SCHIP1: variants seen among roughly 807,000 people sequenced by gnomAD.
The protein encoded by SCHIP1 is schwannomin-interacting protein 1.
A neutral mutation model predicts 29.7 loss-of-function variants in SCHIP1; 8 were observed. The ratio of observed to expected loss-of-function variants is 0.27; its 90% CI spans 0.16 to 0.49. The LOEUF is 0.49. SCHIP1 is among the 20% of genes least tolerant of loss of function. The pLI, the probability that SCHIP1 is intolerant of heterozygous loss-of-function variation, is 0.99. For synonymous variants in SCHIP1, 76 were observed against 94.9 expected (o/e 0.80, Z 1.16); for missense variants, 193 against 294.6 (o/e 0.66, Z 2.52).
the SCHIP1 span, among the ~76,000 whole-genome samples, chr3:159,430,240 G>C: frequency 6.6e-6 from 1 of 152,210 alleles, no homozygotes; most frequent in African/African-American, 2.4e-5. Flanking sequence ...TCTGTATTTA[G>C]ATATTAACCA....
At chr3:159,734,060 A>G in the SCHIP1 span, among the ~76,000 whole-genome samples, 53 of 152,232 alleles carry the variant, frequency 3.5e-4, 1 homozygote, top group African/African-American at 1.3e-3. Context: ...ATAGATGCAC[A>G]AAGAAAAACA....
the SCHIP1 span, among the ~76,000 whole-genome samples, chr3:159,719,885 A>T: frequency 6.6e-6 from 1 of 152,216 alleles, no homozygotes; most frequent in Non-Finnish European, 1.5e-5. Flanking sequence ...ATTACTGGGT[A>T]TACACCCAAA....
the SCHIP1 span, among the ~76,000 whole-genome samples, chr3:159,326,353 C>T: frequency 3.3e-4 from 50 of 152,208 alleles, 1 homozygote; most frequent in Non-Finnish European, 6.5e-4. Flanking sequence ...ATTCTATTGG[C>T]TAAAATAAGT....
At chr3:159,662,180 C>A in the SCHIP1 span, among the ~76,000 whole-genome samples, 2 of 152,092 alleles carry the variant, frequency 1.3e-5, no homozygotes, top group Non-Finnish European at 2.9e-5. Context: ...TTTAAAATAG[C>A]CAATCAGAAT....
the SCHIP1 span, among the ~76,000 whole-genome samples, chr3:159,310,450 T>C: frequency 6.6e-6 from 1 of 152,198 alleles, no homozygotes; most frequent in Non-Finnish European, 1.5e-5. Flanking sequence ...GTTCCTCTGT[T>C]CATTATATTT....
the SCHIP1 span, among the ~76,000 whole-genome samples, chr3:159,707,321 CAT>C: frequency 6.6e-6 from 1 of 152,214 alleles, no homozygotes; most frequent in East Asian, 1.9e-4. Context: ...ATACCTTCCA[CAT>C]ATGAGTTGTG....
the SCHIP1 span, among the ~76,000 whole-genome samples, chr3:159,644,424 G>T: frequency 6.6e-6 from 1 of 152,204 alleles, no homozygotes; most frequent in East Asian, 1.9e-4. Flanking sequence ...TACAAAAAGT[G>T]ATTGTTTTCT....
At chr3:159,300,704 G>A in the SCHIP1 span, among the ~76,000 whole-genome samples, 2 of 152,118 alleles carry the variant, frequency 1.3e-5, no homozygotes, top group South Asian at 2.1e-4. Flanking sequence ...GAAAGAGGCA[G>A]TGTGGAGCCA....
the SCHIP1 span, among the ~76,000 whole-genome samples, chr3:159,833,418 C>T: frequency 6.6e-6 from 1 of 152,180 alleles, no homozygotes; most frequent in Non-Finnish European, 1.5e-5. Context: ...TTCTCTTATG[C>T]CTCCCCGACT....
At chr3:159,551,096 A>C in the SCHIP1 span, among the ~76,000 whole-genome samples, 1 of 152,162 alleles carries the variant, frequency 6.6e-6, no homozygotes, top group African/African-American at 2.4e-5. Flanking sequence ...GTGAGTACCA[A>C]ATTCTGTACA....
the SCHIP1 span, among the ~76,000 whole-genome samples, chr3:159,761,690 C>G: frequency 6.6e-6 from 1 of 152,166 alleles, no homozygotes; most frequent in Admixed American, 6.5e-5. Context: ...CCCATCTGAT[C>G]CAGAAATTAT....
the SCHIP1 span, among the ~76,000 whole-genome samples, chr3:159,524,402 T>C: frequency 1.3e-5 from 2 of 152,248 alleles, no homozygotes; most frequent in East Asian, 3.8e-4. Context: ...GAATGCCTTG[T>C]AGCCAAGTCC....
the SCHIP1 span, among the ~76,000 whole-genome samples, chr3:159,405,994 A>G: frequency 6.6e-6 from 1 of 152,048 alleles, no homozygotes; most frequent in Non-Finnish European, 1.5e-5. Flanking sequence ...GGCAAGTCTA[A>G]CAGTTATTTA....
the SCHIP1 span, among the ~76,000 whole-genome samples, chr3:159,523,693 A>G: frequency 1.3e-5 from 2 of 152,152 alleles, no homozygotes; most frequent in Non-Finnish European, 2.9e-5. Flanking sequence ...TCATCCACCC[A>G]TCCATTCACT....
chr3:159,718,028 C>T, the SCHIP1 span, among the ~76,000 whole-genome samples: 1 of 152,178 alleles, frequency 6.6e-6, no homozygotes, highest in African/African-American at 2.4e-5. Flanking sequence ...AAAGCTTATA[C>T]ACCGTGATTA....
the SCHIP1 span, among the ~76,000 whole-genome samples, chr3:159,565,962 G>T: frequency 3.3e-5 from 5 of 152,098 alleles, no homozygotes; most frequent in Non-Finnish European, 7.3e-5. Context: ...GGGCAAACAT[G>T]ACTGAGAACT....
chr3:159,522,543 G>T, the SCHIP1 span, among the ~76,000 whole-genome samples: 3 of 152,146 alleles, frequency 2.0e-5, no homozygotes, highest in Admixed American at 1.3e-4. Context: ...GATGAATAAA[G>T]AATTTAGAAG....
At chr3:159,544,195 A>T in the SCHIP1 span, among the ~76,000 whole-genome samples, 1 of 151,990 alleles carries the variant, frequency 6.6e-6, no homozygotes, top group Non-Finnish European at 1.5e-5. Context: ...ATACGTGTGT[A>T]TGTGTATATA....
At chr3:159,381,372 A>C in the SCHIP1 span, among the ~76,000 whole-genome samples, 1 of 152,132 alleles carries the variant, frequency 6.6e-6, no homozygotes, top group Non-Finnish European at 1.5e-5. Flanking sequence ...ATTAAATCTT[A>C]TTTACAATAG....
Sources: allele counts gnomAD v4.1 joint callset (sites outside exome capture counted in the v4.1 genomes callset), GRCh38; gene constraint gnomAD v4.1.1; transcripts MANE v1.5; gene names NCBI Gene and HGNC (gene_info 2026-07-23, HGNC 2026-07-21).